LSAMP: variants seen among roughly 807,000 people sequenced by gnomAD.
The protein encoded by LSAMP is limbic system associated membrane protein.
A neutral mutation model predicts 38.6 loss-of-function variants in LSAMP; 7 were observed. The ratio of observed to expected loss-of-function variants is 0.18; its 90% CI spans 0.10 to 0.34. The LOEUF (loss-of-function observed/expected upper bound fraction) is 0.34, where lower values mean the gene tolerates loss of function less well. Among genes scored for constraint, LSAMP ranks in the 10% least tolerant of loss-of-function variants. The pLI is 1.00. For missense variants in LSAMP, 313 were observed against 420.0 expected, an observed-to-expected ratio of 0.75 and a Z score of 2.23; for synonymous variants, 154 against 166.8, an observed-to-expected ratio of 0.92 and a Z score of 0.59.
chr3:116,404,645 T>C (rs766682015), intron 1 of LSAMP, among the ~76,000 whole-genome samples: 2 of 152,148 alleles, frequency 1.3e-5, no homozygotes, highest in Admixed American at 6.6e-5. Context: ...TCTACAGATA[T>C]ACTATCTCAC....
At chr3:116,140,387 C>CTT (rs1709344584) in intron 1 of LSAMP, among the ~76,000 whole-genome samples, 3 of 151,814 alleles carry the variant, frequency 2.0e-5, no homozygotes, top group African/African-American at 7.3e-5. Flanking sequence ...CACATGATTG[C>CTT]TTTTTATACA....
At chr3:116,420,098 TTTC>T (rs1232007632) in intron 1 of LSAMP, among the ~76,000 whole-genome samples, 1 of 150,292 alleles carries the variant, frequency 6.7e-6, no homozygotes, top group Non-Finnish European at 1.5e-5. Context: ...CTCTTTTTCT[TTTC>T]TTTTTTTTTT....
intron 1 of LSAMP, among the ~76,000 whole-genome samples, chr3:116,333,364 C>A (rs950022779): frequency 6.6e-6 from 1 of 151,748 alleles, no homozygotes; most frequent in Non-Finnish European, 1.5e-5. Flanking sequence ...AATGGTGAAA[C>A]CCCTTCTCTA....
chr3:116,208,587 T>C (rs889908762), intron 1 of LSAMP, among the ~76,000 whole-genome samples: 50 of 152,358 alleles, frequency 3.3e-4, no homozygotes, highest in Non-Finnish European at 6.3e-4. Flanking sequence ...TTCGTGTGGA[T>C]GTCCTTTCTA....
At chr3:116,253,628 G>A (rs2046714253) in intron 1 of LSAMP, among the ~76,000 whole-genome samples, 1 of 152,186 alleles carries the variant, frequency 6.6e-6, no homozygotes, top group Non-Finnish European at 1.5e-5. Context: ...AAGAAGTCCT[G>A]TGGAGCTTCC....
rs528530751 is a variant in LSAMP at position 115,810,221 on chromosome 3, A to ATCTC, written c.*92_*95dup. Reference sequence around the variant, plus strand: ...AGTTGTGAAATAAACGGTCTCCCCCATCTCTCTCTCTCTCTCTCTCTCTGT... The same window carrying ATCTC: ...AGTTGTGAAATAAACGGTCTCCCCCATCTCTCTCTCTCTCTCTCTCTCTCTCTGT... On this transcript the variant is annotated 3_prime_UTR_variant, in exon 7 of 7. Transcript: ENST00000490035. 3.3e-4 allele frequency: 214 copies of ATCTC among 649,738 alleles called. 1 individual carries two copies. The highest frequency in any genetic ancestry group is 1.5e-3 in the African/African-American group (80 of 52,382). The allele number at this position is 649,738 out of a possible 1,614,324, so 40.2% of individuals were successfully genotyped here. A position where few individuals can be genotyped will look rare whatever the true frequency, so the allele number is the denominator to read the frequency against.
intron 1 of LSAMP, among the ~76,000 whole-genome samples, chr3:116,202,686 A>G (rs1033680287): frequency 5.2e-4 from 79 of 152,038 alleles, no homozygotes; most frequent in African/African-American, 1.9e-3. Context: ...AGCCTCCCCA[A>G]ATGCTGGGAT....
intron 2 of LSAMP, among the ~76,000 whole-genome samples, chr3:116,027,638 G>A (rs1173540495): frequency 6.6e-6 from 1 of 152,124 alleles, no homozygotes; most frequent in Non-Finnish European, 1.5e-5. Flanking sequence ...GCTTCCACAT[G>A]CTAGCTTTGT....
At chr3:115,940,839 C>T (rs1020270993) in intron 3 of LSAMP, among the ~76,000 whole-genome samples, 9 of 152,040 alleles carry the variant, frequency 5.9e-5, no homozygotes, top group Admixed American at 2.0e-4. Flanking sequence ...ACTATAGCTT[C>T]GTAATATAGT....
intron 1 of LSAMP, among the ~76,000 whole-genome samples, chr3:116,242,693 A>C (rs946420479): frequency 6.6e-6 from 1 of 151,832 alleles, no homozygotes; most frequent in East Asian, 1.9e-4. Context: ...TCCCCTGATA[A>C]ATTTGCTTTT....
intron 2 of LSAMP, among the ~76,000 whole-genome samples, chr3:116,077,488 G>T (rs1411666229): frequency 1.3e-5 from 2 of 151,108 alleles, no homozygotes; most frequent in African/African-American, 4.9e-5. Flanking sequence ...CTTTATAATG[G>T]ATTATGCTTG....
intron 1 of LSAMP, among the ~76,000 whole-genome samples, chr3:116,146,515 C>T (rs915245117): frequency 1.3e-5 from 2 of 151,780 alleles, no homozygotes; most frequent in Non-Finnish European, 2.9e-5. Context: ...TTGTTGACAC[C>T]TTTTAGAAAA....
chr3:115,901,907 A>G (rs541701039), intron 3 of LSAMP, among the ~76,000 whole-genome samples: 1 of 152,286 alleles, frequency 6.6e-6, no homozygotes, highest in East Asian at 1.9e-4. Flanking sequence ...ACCAATAAAC[A>G]GAATTGTTAT....
intron 1 of LSAMP, among the ~76,000 whole-genome samples, chr3:116,255,282 A>C (rs1449297311): frequency 6.6e-6 from 1 of 152,198 alleles, no homozygotes; most frequent in Non-Finnish European, 1.5e-5. Context: ...GTTATATTTT[A>C]TCAAGTAAGA....
At chr3:115,839,266 C>CTTCCTTCCTTCCTTCA (rs1934910768) in intron 6 of LSAMP, among the ~76,000 whole-genome samples, 1 of 43,342 alleles carries the variant, frequency 2.3e-5, no homozygotes, top group Non-Finnish European at 4.9e-5. Context: ...TCTTTCTTTC[C>CTTCCTTCCTTCCTTCA]TTCCTTCCTT....
At chr3:116,076,257 AC>A (rs1409089685) in intron 2 of LSAMP, among the ~76,000 whole-genome samples, 1 of 151,286 alleles carries the variant, frequency 6.6e-6, no homozygotes, top group Non-Finnish European at 1.5e-5. Context: ...TAAAATAATA[AC>A]TTTTTTTTTT....
At chr3:116,040,893 G>C (rs1019978954) in intron 2 of LSAMP, among the ~76,000 whole-genome samples, 1 of 152,046 alleles carries the variant, frequency 6.6e-6, no homozygotes, top group African/African-American at 2.4e-5. Flanking sequence ...CGCCATGCCT[G>C]GCTAATTTGT....
chr3:115,977,329 A>T (rs1269675930), intron 3 of LSAMP, among the ~76,000 whole-genome samples: 2 of 152,188 alleles, frequency 1.3e-5, no homozygotes, highest in African/African-American at 4.8e-5. Context: ...CTCAGTAACA[A>T]CTCTGAAGAA....
chr3:116,336,452 C>G (rs948828159), intron 1 of LSAMP, among the ~76,000 whole-genome samples: 3 of 151,838 alleles, frequency 2.0e-5, no homozygotes, highest in Non-Finnish European at 4.4e-5. Context: ...GGCAACGAAC[C>G]TGAATAGACA....
Sources: gnomAD v4.1 joint callset for allele counts (sites outside exome capture counted in the v4.1 genomes callset) on GRCh38, gnomAD v4.1.1 for gene constraint, MANE v1.5 for transcripts, NCBI Gene and HGNC (gene_info 2026-07-23, HGNC 2026-07-21) for gene names.